Variants in FNIP1 observed in about 807,000 individuals in gnomAD.
FNIP1 encodes folliculin interacting protein 1.
A neutral mutation model predicts 124.5 loss-of-function variants in FNIP1; 40 were observed. The observed-to-expected ratio is 0.32, with a 90% CI of 0.25 to 0.42. The LOEUF is 0.42. FNIP1 is among the 10% of genes least tolerant of loss of function. The pLI, the probability that FNIP1 is intolerant of heterozygous loss-of-function variation, is 1.00. For missense variants in FNIP1, 1,176 were observed against 1,403.7 expected (o/e 0.84, Z 2.59); for synonymous variants, 472 against 470.6 (o/e 1.00, Z -0.04).
At chr5:131,672,972 C>G in intron 13 of FNIP1, 48 bp from the exon 14 acceptor site, 1 of 1,281,856 alleles carries the variant, frequency 7.8e-7, no homozygotes, top group Non-Finnish European at 1.1e-6. Flanking sequence ...ACTGACACAG[C>G]TAAGTAAGCT....
At position 131,730,950 on chromosome 5, in the gene FNIP1, G is replaced by C; in HGVS notation, c.308C>G (p.Ser103Cys). 6.2e-7 allele frequency: 1 copy of C among 1,612,384 alleles called. No individual in the cohort carries two copies. The change falls in exon 3 of 18, where the codon TCT becomes TGT. Residue 103 changes from serine (S) to cysteine (C), a missense_variant. This residue lies in a region of FNIP1 where 1,109 missense variants were observed against 1,288.5 expected (regional missense o/e 0.86). Transcript: ENST00000510461. ...TTTTATATCAGAAGATGAAGTCACA[G>C]AACTATCTAAAGAGGAAGAACTGTC... is the stretch of plus-strand genomic sequence containing the variant. ...GGDSSSSLDS[S>C]VTSSSDIKDQ...
At position 131,644,880 on chromosome 5, in the gene FNIP1, C is replaced by T. The variant is rs953075418; in HGVS notation, c.3423-117G>A. ...TACCTCAACGGTTAAGGAGCTAGGC[C>T]ACTCTGGCCGAAAGGAAAAATTCTC... On this transcript the variant is annotated intron_variant, in intron 17 of 17. Transcript: ENST00000510461. 8.8e-6 allele frequency: 8 copies of T among 904,298 alleles called. No individual in the cohort carries two copies. In the South Asian group the frequency reaches 1.2e-4, roughly 14 times the overall value. 56.0% of individuals were successfully genotyped at this position (904,298 alleles called of 1,614,324 possible).
intron 1 of FNIP1, among the ~76,000 whole-genome samples, chr5:131,748,902 C>A (rs900532161): frequency 3.9e-5 from 6 of 151,940 alleles, no homozygotes; most frequent in African/African-American, 1.5e-4. Context: ...CTCCTAAAGA[C>A]CTTACAGTGG....
intron 1 of FNIP1, among the ~76,000 whole-genome samples, chr5:131,768,830 A>T (rs1431678977): frequency 2.0e-5 from 3 of 152,168 alleles, no homozygotes; most frequent in Admixed American, 2.0e-4. Flanking sequence ...ATAAAATAAA[A>T]ACAATGTACC....
At chr5:131,715,552 G>C (rs535271) in intron 6 of FNIP1, among the ~76,000 whole-genome samples, 2 of 152,048 alleles carry the variant, frequency 1.3e-5, no homozygotes, top group Non-Finnish European at 2.9e-5. Context: ...CTTGAGCTTT[G>C]AAAAGTATCA....
At chr5:131,682,506 G>A (rs2149520098) in intron 11 of FNIP1, among the ~76,000 whole-genome samples, 1 of 151,972 alleles carries the variant, frequency 6.6e-6, no homozygotes, top group South Asian at 2.1e-4. Flanking sequence ...ATCACCTGAG[G>A]TTGAGAGTTC....
intron 10 of FNIP1, 30 bp downstream of exon 10, chr5:131,704,035 G>A: frequency 6.6e-7 from 1 of 1,511,276 alleles, no homozygotes; most frequent in South Asian, 1.2e-5. Context: ...ATTTTAAAAG[G>A]AAAATACATA....
chr5:131,793,860 CA>C (rs575788706), intron 1 of FNIP1, among the ~76,000 whole-genome samples: 1 of 151,838 alleles, frequency 6.6e-6, no homozygotes, highest in East Asian at 1.9e-4. Context: ...ACAAAACACC[CA>C]AAAAAGGATT....
chr5:131,683,156 A>T (rs1768146320), intron 11 of FNIP1, among the ~76,000 whole-genome samples: 1 of 152,190 alleles, frequency 6.6e-6, no homozygotes, highest in Non-Finnish European at 1.5e-5. Flanking sequence ...TAATTTAAGA[A>T]GTACATTTAT....
intron 1 of FNIP1, 111 bp downstream of exon 1, chr5:131,796,719 C>T: frequency 9.9e-7 from 1 of 1,013,110 alleles, no homozygotes; most frequent in Non-Finnish European, 1.4e-6. Flanking sequence ...CCAGATGCTG[C>T]TCTCGGCGCG....
At chr5:131,661,788 C>G (rs996207708) in intron 15 of FNIP1, among the ~76,000 whole-genome samples, 6 of 152,168 alleles carry the variant, frequency 3.9e-5, no homozygotes, top group Non-Finnish European at 8.8e-5. Flanking sequence ...GTAAGAATTT[C>G]TTACCAGTGA....
At chr5:131,753,957 G>A (rs1346616051) in intron 1 of FNIP1, among the ~76,000 whole-genome samples, 1 of 152,088 alleles carries the variant, frequency 6.6e-6, no homozygotes, top group East Asian at 1.9e-4. Flanking sequence ...GGGACTACAG[G>A]CACATGCCAC....
intron 3 of FNIP1, among the ~76,000 whole-genome samples, chr5:131,726,578 T>C (rs1769879659): frequency 6.6e-6 from 1 of 152,204 alleles, no homozygotes; most frequent in South Asian, 2.1e-4. Flanking sequence ...TTAATCTGGC[T>C]AGTGGTCTAT....
Position 131,670,675 on chromosome 5 carries a change from T to C in FNIP1, c.2940-44A>G, listed in dbSNP as rs775538759. ...CAAAAGACATTTATTTAGTAATAAATATATTTAACCAGTAAAAAAAAAAAA... is the reference window on the plus strand; with the variant it reads ...CAAAAGACATTTATTTAGTAATAAACATATTTAACCAGTAAAAAAAAAAAA... On this transcript the variant is annotated intron_variant, in intron 14 of 17. Transcript: ENST00000510461. 4.9e-6 allele frequency: 7 copies of C among 1,418,188 alleles called. No individual in the cohort carries two copies. In the South Asian group the frequency reaches 8.8e-5, roughly 18 times the overall value. The allele number at this position is 1,418,188 out of a possible 1,614,324, so 87.9% of individuals were successfully genotyped here.
chr5:131,709,210 C>G lies in FNIP1; in HGVS notation c.769G>C (p.Ala257Pro). 1.2e-6 allele frequency: 2 copies of G among 1,613,366 alleles called. No individual in the cohort carries two copies. Among genetic ancestry groups the G allele is most frequent in the South Asian group, 1.1e-5 (1 of 91,060 alleles). ...AAGAACGTGACATTACCAGACCGTG[C>G]TATGCCACTGTCTCTGTCCTCATTG... ...ELNEDRDSGI[A>P]RSASLSSLLI... is the part of the protein sequence containing the mutation. The change falls in exon 8 of 18, where the codon GCA becomes CCA. Residue 257 changes from alanine (A) to proline (P), a missense_variant. Transcript: ENST00000510461.
intron 3 of FNIP1, among the ~76,000 whole-genome samples, chr5:131,722,570 T>C (rs1769703639): frequency 6.6e-6 from 1 of 152,370 alleles, no homozygotes; most frequent in South Asian, 2.1e-4. Context: ...TTACTACCTA[T>C]CTTAAATTGT....
In FNIP1 at chr5:131,746,419, C is replaced by T. The variant is rs140090616; in HGVS notation, c.93-1729G>A. On this transcript the variant is annotated intron_variant, in intron 1 of 17. Coordinates refer to ENST00000510461, the MANE Select transcript of FNIP1 (RefSeq NM_133372.3). ...ACTATTAAGTTTTTCAACTCTTGCC[C>T]CTCTCCCTCCTGCCTTGCTCTACTA... is the stretch of plus-strand genomic sequence containing the variant. 7.2e-5 allele frequency among the ~76,000 whole-genome samples: 11 copies of T among 152,198 alleles called. No homozygotes were observed. In the East Asian group the frequency reaches 1.9e-3, roughly 27 times the overall value.
chr5:131,784,334 C>G (rs1290628638), intron 1 of FNIP1, among the ~76,000 whole-genome samples: 1 of 152,086 alleles, frequency 6.6e-6, no homozygotes, highest in Non-Finnish European at 1.5e-5. Flanking sequence ...ACATAAAATA[C>G]ACTTAGCTCA....
chr5:131,695,979 A>G (rs1430223437), intron 11 of FNIP1, among the ~76,000 whole-genome samples: 1 of 152,252 alleles, frequency 6.6e-6, no homozygotes, highest in East Asian at 1.9e-4. Context: ...GGCCTAAACC[A>G]TTAACACTTG....
Sources: allele counts gnomAD v4.1 joint callset (sites outside exome capture counted in the v4.1 genomes callset), GRCh38; gene constraint gnomAD v4.1.1; regional missense constraint gnomAD v4.1.1; transcripts MANE v1.5; gene names NCBI Gene and HGNC (gene_info 2026-07-23, HGNC 2026-07-21).